Variants in FER1L6 observed in about 807,000 individuals in gnomAD.
The protein encoded by FER1L6 is fer-1-like protein 6.
A neutral mutation model predicts 219.2 loss-of-function variants in FER1L6; 177 were observed. The observed-to-expected ratio is 0.81, with a 90% CI of 0.71 to 0.91. The LOEUF is 0.91. Ranked by LOEUF, FER1L6 falls within the 40% of genes least tolerant of loss-of-function variation. FER1L6 has a pLI of 0.00. For synonymous variants in FER1L6, 768 were observed against 824.3 expected (o/e 0.93, Z 1.17); for missense variants, 2,153 against 2,259.9 (o/e 0.95, Z 0.96).
At chr8:123,900,050 A>G (rs1812829071) in intron 1 of FER1L6, among the ~76,000 whole-genome samples, 1 of 152,010 alleles carries the variant, frequency 6.6e-6, no homozygotes, top group African/African-American at 2.4e-5. Flanking sequence ...TGGTATTTTG[A>G]TGGGGATTGC....
At chr8:123,943,972 G>T (rs1814368523) in intron 1 of FER1L6, among the ~76,000 whole-genome samples, 1 of 152,082 alleles carries the variant, frequency 6.6e-6, no homozygotes, top group African/African-American at 2.4e-5. Flanking sequence ...GGCTGTGATT[G>T]ATATCTAGGA....
intron 32 of FER1L6, among the ~76,000 whole-genome samples, 163 bp from the exon 33 acceptor site, chr8:124,082,125 G>A (rs770046956): frequency 7.9e-5 from 12 of 152,116 alleles, no homozygotes; most frequent in Admixed American, 1.3e-4. Context: ...TGTTTGTACT[G>A]CAATGAAAAA....
At chr8:123,977,812 C>T (rs1310801098) in intron 10 of FER1L6, among the ~76,000 whole-genome samples, 1 of 152,174 alleles carries the variant, frequency 6.6e-6, no homozygotes, top group Non-Finnish European at 1.5e-5. Flanking sequence ...GGGCATTAGT[C>T]TCCTCATAAG....
intron 16 of FER1L6, among the ~76,000 whole-genome samples, chr8:124,020,699 C>T (rs1818420546): frequency 6.6e-6 from 1 of 152,066 alleles, no homozygotes; most frequent in South Asian, 2.1e-4. Context: ...TCTGGCTCTG[C>T]CATTCAGTAG....
At chr8:124,003,402 C>CT in intron 13 of FER1L6, 55 bp downstream of exon 13, 1 of 1,305,668 alleles carries the variant, frequency 7.7e-7, no homozygotes, top group Non-Finnish European at 1.1e-6. Context: ...GAATTTTGTC[C>CT]AGTTTCTAGG....
intron 18 of FER1L6, among the ~76,000 whole-genome samples, chr8:124,033,583 A>T (rs1819066638): frequency 6.6e-6 from 1 of 152,128 alleles, no homozygotes; most frequent in Admixed American, 6.5e-5. Flanking sequence ...AGGATTCTTC[A>T]GCTTCATCTG....
intron 1 of FER1L6, among the ~76,000 whole-genome samples, chr8:123,884,375 G>A (rs1439904134): frequency 1.3e-5 from 2 of 152,206 alleles, no homozygotes; most frequent in African/African-American, 4.8e-5. Context: ...GCAGCTCTGA[G>A]ATCCACACAG....
chr8:124,027,856 C>T (rs1048200430), intron 18 of FER1L6, among the ~76,000 whole-genome samples: 5 of 152,192 alleles, frequency 3.3e-5, no homozygotes, highest in Non-Finnish European at 7.3e-5. Flanking sequence ...GCCATTGTGC[C>T]TGGCCTAAAA....
chr8:124,021,600 G>T lies in FER1L6; in HGVS notation c.2064G>T (p.Lys688Asn). 1.9e-6 allele frequency: 3 copies of T among 1,614,162 alleles called. No individual in the cohort carries two copies. Among genetic ancestry groups the T allele is most frequent in the Non-Finnish European group, 2.5e-6 (3 of 1,180,000 alleles). ...AKGIIQQQKK[K>N]LSVDEMIHEA... ...GGATCATTCAGCAGCAGAAGAAAAAGTTATCTGTTGATGAAATGATTCACG... is the reference window on the plus strand; with the variant it reads ...GGATCATTCAGCAGCAGAAGAAAAATTTATCTGTTGATGAAATGATTCACG... Residue 688 changes from lysine to asparagine, a missense_variant, in exon 17 of 41, where the codon AAG (lysine) becomes AAT (asparagine). Lys to Asn is a moderately conservative substitution (Grantham distance 94). Transcript: ENST00000522917.
Position 123,871,442 on chromosome 8 carries a change from G to A in FER1L6, c.-8+19257G>A, listed in dbSNP as rs548582399. Among the ~76,000 whole-genome samples the A allele has an allele frequency of 1.4e-3, 206 of 152,136 alleles. 1 individual carries two copies. Among genetic ancestry groups the A allele is most frequent in the African/African-American group, 4.2e-3 (173 of 41,504 alleles). On this transcript the variant is annotated intron_variant, in intron 1 of 40. Coordinates refer to ENST00000522917, the MANE Select transcript of FER1L6 (RefSeq NM_001039112.2). ...TACTTTGTAGTGCCAAAAAGGAAGC[G>A]CTAAACACCAACCCCCTGCCCACTC...
Position 124,023,348 on chromosome 8 carries a change from A to G in FER1L6, c.2134-96A>G, listed in dbSNP as rs558006986. On this transcript the variant is annotated intron_variant, in intron 17 of 40. Transcript: ENST00000522917. ...CAGCATTTGTTTTGTCGAAGAGGGA[A>G]TATTTCAGGATAGCAGAACTCTGCA... 2.2e-4 allele frequency: 259 copies of G among 1,198,228 alleles called. 2 individuals carry two copies. In the South Asian group the frequency reaches 3.7e-3, roughly 17 times the overall value. The allele number at this position is 1,198,228 out of a possible 1,614,324, so 74.2% of individuals were successfully genotyped here.
chr8:124,101,343 G>A lies in FER1L6; in HGVS notation c.5125+5G>A, dbSNP rs1822541757. ...TGTCCTCAGATGACTTCCTGGGTAA[G>A]CCAGTGGCTTCATCAAGCACATATT... On this transcript the variant is annotated splice_donor_5th_base_variant and intron_variant, in intron 38 of 40. Coordinates refer to ENST00000522917, the MANE Select transcript of FER1L6 (RefSeq NM_001039112.2). 6.2e-7 allele frequency: 1 copy of A among 1,610,538 alleles called. No individual in the cohort carries two copies. The highest frequency in any genetic ancestry group is 8.5e-7 in the Non-Finnish European group (1 of 1,177,216).
chr8:124,062,365 C>T lies in FER1L6; in HGVS notation c.3328+333C>T, dbSNP rs137993790. ...GGTGCACAAAGTTGAGTTCATTGCACGTCTCAGTTCCATGCTCTACAATCA... is the reference window on the plus strand; with the variant it reads ...GGTGCACAAAGTTGAGTTCATTGCATGTCTCAGTTCCATGCTCTACAATCA... On this transcript the variant is annotated intron_variant, in intron 25 of 40. Coordinates refer to ENST00000522917, the MANE Select transcript of FER1L6 (RefSeq NM_001039112.2). Among the ~76,000 whole-genome samples the T allele has an allele frequency of 4.9e-3, 746 of 152,274 alleles. 6 individuals are homozygous for T. Among genetic ancestry groups the T allele is most frequent in the African/African-American group, 0.016 (655 of 41,530 alleles).
chr8:124,049,791 G>T (rs1252317263), intron 22 of FER1L6, 35 bp downstream of exon 22: 1 of 1,611,634 alleles, frequency 6.2e-7, no homozygotes, highest in Non-Finnish European at 8.5e-7. Context: ...GATCTATTAG[G>T]TCTACCTGGC....
intron 5 of FER1L6, among the ~76,000 whole-genome samples, chr8:123,969,188 T>C (rs563739999): frequency 6.6e-6 from 1 of 152,326 alleles, no homozygotes; most frequent in South Asian, 2.1e-4. Flanking sequence ...TTTAAATTCT[T>C]TAGTCTTCAG....
At chr8:124,058,972 T>C (rs1820433323) in intron 22 of FER1L6, 1 of 152,252 alleles carries the variant, frequency 6.6e-6, no homozygotes, top group Non-Finnish European at 1.5e-5. Context: ...CGAGAATATG[T>C]CTGTGAAAAC....
chr8:123,927,863 C>T (rs1355499452), intron 1 of FER1L6, among the ~76,000 whole-genome samples: 1 of 152,190 alleles, frequency 6.6e-6, no homozygotes, highest in Non-Finnish European at 1.5e-5. Flanking sequence ...TGAATCCCTT[C>T]TTGCAACTTT....
chr8:123,856,030 TATATGAG>T (rs1233142366), intron 1 of FER1L6, among the ~76,000 whole-genome samples: 4 of 140,410 alleles, frequency 2.8e-5, no homozygotes, highest in Non-Finnish European at 4.6e-5. Context: ...TATACATATG[TATATGAG>T]ATATATGTAT....
At chr8:124,055,284 A>G (rs1820234554) in intron 22 of FER1L6, among the ~76,000 whole-genome samples, 2 of 152,176 alleles carry the variant, frequency 1.3e-5, no homozygotes. Context: ...ACAAAAAATA[A>G]AAAATTAGCT....
Sources: allele counts gnomAD v4.1 joint callset (sites outside exome capture counted in the v4.1 genomes callset), GRCh38; gene constraint gnomAD v4.1.1; transcripts MANE v1.5; gene names NCBI Gene and HGNC (gene_info 2026-07-23, HGNC 2026-07-21).